Variants in GRIP1 observed in about 807,000 individuals in gnomAD.
The protein encoded by GRIP1 is glutamate receptor interacting protein 1.
A neutral mutation model predicts 129.9 loss-of-function variants in GRIP1; 45 were observed. That is an observed-to-expected ratio of 0.35 (90% CI 0.27 to 0.44). The LOEUF (loss-of-function observed/expected upper bound fraction) is 0.44. Ranked by LOEUF, GRIP1 falls within the 20% of genes least tolerant of loss-of-function variation. The probability of loss-of-function intolerance (pLI) is 1.00; values close to 1 mark genes in which losing one functional copy is unlikely to be tolerated. For synonymous variants in GRIP1, 530 were observed against 520.8 expected (o/e 1.02, Z -0.24); for missense variants, 1,196 against 1,396.8 (o/e 0.86, Z 2.29).
intron 16 of GRIP1, among the ~76,000 whole-genome samples, chr12:66,401,609 T>TATATATATATATATATATAC (rs1169241331): frequency 1.5e-4 from 17 of 110,164 alleles, no homozygotes; most frequent in East Asian, 8.9e-4. Flanking sequence ...TATATATATA[T>TATATATATATATATATATAC]ACACACACAC....
At chr12:67,007,271 A>T (rs2042640306) in intron 1 of GRIP1, among the ~76,000 whole-genome samples, 1 of 152,228 alleles carries the variant, frequency 6.6e-6, no homozygotes, top group South Asian at 2.1e-4. Context: ...ACTCCGTACC[A>T]GTGTTCAATA....
intron 2 of GRIP1, among the ~76,000 whole-genome samples, chr12:66,555,133 C>T (rs1042356957): frequency 3.3e-5 from 5 of 152,178 alleles, no homozygotes; most frequent in East Asian, 3.9e-4. Flanking sequence ...TGACCCAGTG[C>T]AGTCCCAGTG....
chr12:67,049,119 T>C (rs569695077), intron 1 of GRIP1, among the ~76,000 whole-genome samples: 22 of 152,204 alleles, frequency 1.4e-4, no homozygotes, highest in African/African-American at 5.3e-4. Context: ...GCCATTGCAC[T>C]CAGAACCATG....
chr12:66,538,804 T>C (rs1356896924), intron 4 of GRIP1, among the ~76,000 whole-genome samples: 4 of 151,864 alleles, frequency 2.6e-5, no homozygotes, highest in Non-Finnish European at 5.9e-5. Flanking sequence ...GGCTTTGCCA[T>C]GTTGCCCAGG....
intron 1 of GRIP1, among the ~76,000 whole-genome samples, chr12:66,856,954 C>G (rs2040016289): frequency 6.6e-6 from 1 of 152,106 alleles, no homozygotes; most frequent in Non-Finnish European, 1.5e-5. Context: ...TTCACAATAG[C>G]AAAGACTTGG....
intron 7 of GRIP1, among the ~76,000 whole-genome samples, chr12:66,475,639 C>G (rs1230898813): frequency 6.6e-6 from 1 of 152,198 alleles, no homozygotes; most frequent in Non-Finnish European, 1.5e-5. Context: ...TCTCAGACCA[C>G]AGTGCAATCA....
At chr12:66,964,297 A>G (rs917992799) in intron 1 of GRIP1, among the ~76,000 whole-genome samples, 13 of 152,294 alleles carry the variant, frequency 8.5e-5, no homozygotes, top group African/African-American at 2.9e-4. Flanking sequence ...AAAGGGCATC[A>G]AAGGACTTAT....
At chr12:66,663,000 G>A (rs925671496) in intron 1 of GRIP1, among the ~76,000 whole-genome samples, 2 of 152,156 alleles carry the variant, frequency 1.3e-5, no homozygotes, top group Non-Finnish European at 2.9e-5. Context: ...GTCAGAATCA[G>A]TTTGGATAAG....
intron 1 of GRIP1, among the ~76,000 whole-genome samples, chr12:66,791,427 C>A (rs2038531460): frequency 6.6e-6 from 1 of 152,100 alleles, no homozygotes; most frequent in South Asian, 2.1e-4. Context: ...GAGAAACCAG[C>A]TGAGGCTGGA....
At chr12:66,632,836 T>C (rs2030954245) in intron 1 of GRIP1, among the ~76,000 whole-genome samples, 1 of 152,100 alleles carries the variant, frequency 6.6e-6, no homozygotes, top group Admixed American at 6.6e-5. Context: ...CTCTTATCCA[T>C]TAATGTAGTG....
At chr12:67,033,824 A>G (rs2043056715) in intron 1 of GRIP1, among the ~76,000 whole-genome samples, 1 of 152,192 alleles carries the variant, frequency 6.6e-6, no homozygotes, top group African/African-American at 2.4e-5. Flanking sequence ...CTTTAACTGA[A>G]TTAATATATG....
chr12:66,596,262 T>C (rs778524938), intron 2 of GRIP1, among the ~76,000 whole-genome samples: 1 of 152,200 alleles, frequency 6.6e-6, no homozygotes, highest in Non-Finnish European at 1.5e-5. Context: ...CTTCAAAATA[T>C]TGACGTTTTG....
At chr12:66,467,202 A>T (rs2059309953) in intron 7 of GRIP1, among the ~76,000 whole-genome samples, 1 of 152,164 alleles carries the variant, frequency 6.6e-6, no homozygotes, top group African/African-American at 2.4e-5. Flanking sequence ...AAGGAGCCAA[A>T]GGTCTTAATT....
At chr12:66,886,367 G>GA (rs1282398370) in intron 1 of GRIP1, among the ~76,000 whole-genome samples, 1 of 152,146 alleles carries the variant, frequency 6.6e-6, no homozygotes, top group Non-Finnish European at 1.5e-5. Context: ...TTTTAAAAGT[G>GA]AAAAACTGTG....
At chr12:66,418,586 T>C (rs982246437) in intron 15 of GRIP1, among the ~76,000 whole-genome samples, 1 of 151,994 alleles carries the variant, frequency 6.6e-6, no homozygotes, top group Non-Finnish European at 1.5e-5. Flanking sequence ...CTCAAACAAG[T>C]CTATAGGAAA....
intron 1 of GRIP1, among the ~76,000 whole-genome samples, chr12:66,798,037 G>T (rs1384669203): frequency 2.0e-5 from 3 of 152,134 alleles, no homozygotes; most frequent in Non-Finnish European, 4.4e-5. Context: ...TTTTAAATAT[G>T]AACATTGCTC....
intron 1 of GRIP1, among the ~76,000 whole-genome samples, chr12:67,068,814 T>C (rs543365191): frequency 1.4e-4 from 17 of 119,098 alleles, no homozygotes; most frequent in Non-Finnish European, 2.5e-4. Flanking sequence ...AAAAGTTCCC[T>C]GCTGCAGCAC....
At chr12:66,879,166 C>T (rs1311357133) in intron 1 of GRIP1, among the ~76,000 whole-genome samples, 1 of 151,558 alleles carries the variant, frequency 6.6e-6, no homozygotes, top group Non-Finnish European at 1.5e-5. Context: ...CCTCAGGTGG[C>T]TTTTACTATC....
intron 1 of GRIP1, among the ~76,000 whole-genome samples, chr12:67,059,265 G>A (rs1408451720): frequency 6.6e-6 from 1 of 152,180 alleles, no homozygotes; most frequent in Non-Finnish European, 1.5e-5. Context: ...AAAGGCCTCG[G>A]TAGAAGGTCA....
Sources: gnomAD v4.1 joint callset for allele counts (sites outside exome capture counted in the v4.1 genomes callset) on GRCh38, gnomAD v4.1.1 for gene constraint, MANE v1.5 for transcripts, NCBI Gene and HGNC (gene_info 2026-07-23, HGNC 2026-07-21) for gene names.